The following AGL variants were observed in gnomAD, a reference collection of about 807,000 sequenced individuals.
AGL encodes the protein glycogen debranching enzyme.
A neutral mutation model predicts 199.3 loss-of-function variants in AGL; 128 were observed. The ratio of observed to expected loss-of-function variants is 0.64; its 90% CI spans 0.56 to 0.74. AGL has a LOEUF of 0.74. Ranked by LOEUF, AGL falls within the 30% of genes least tolerant of loss-of-function variation. The pLI is 0.00. For synonymous variants in AGL, 584 were observed against 594.7 expected (o/e 0.98, Z 0.26); for missense variants, 1,809 against 1,820.8 (o/e 0.99, Z 0.12).
intron 4 of AGL, among the ~76,000 whole-genome samples, chr1:99,863,063 C>T (rs1466197043): frequency 1.3e-5 from 2 of 152,008 alleles, no homozygotes; most frequent in African/African-American, 4.8e-5. Context: ...CCTCAGCCTC[C>T]TGAGTAGCTG....
intron 8 of AGL, 37 bp from the exon 9 acceptor site, chr1:99,875,117 A>G (rs1292700697): frequency 1.3e-6 from 2 of 1,553,640 alleles, no homozygotes; most frequent in South Asian, 2.2e-5. Context: ...CTGTAAAGCC[A>G]TTAAATATTA....
At chr1:99,872,109 C>T (rs1651070203) in intron 7 of AGL, among the ~76,000 whole-genome samples, 1 of 152,108 alleles carries the variant, frequency 6.6e-6, no homozygotes, top group South Asian at 2.1e-4. Flanking sequence ...CTCTGTATAG[C>T]AATATGCTAT....
rs1651548172 is a variant in AGL at position 99,876,534 on chromosome 1, T to C, written c.1360T>C (p.Phe454Leu). The C allele has an allele frequency of 1.2e-6, 2 of 1,613,894 alleles. No individual in the cohort carries two copies. The highest frequency in any genetic ancestry group is 3.3e-5 in the Admixed American group (2 of 59,996). The stretch of plus-strand genomic sequence containing the variant: ...GATTCATCTGCCAAATAAAGCTTGT[T>C]TTCTGATGGCACACAATGGATGGGT... ...SMIHLPNKACFLMAHNGWVMG... is the reference protein window; with the variant it reads ...SMIHLPNKACLLMAHNGWVMG... Residue 454 changes from phenylalanine (F) to leucine (L), a missense_variant, in exon 11 of 34, where the codon TTT becomes CTT. Phe to Leu is a conservative substitution (Grantham distance 22). Transcript: ENST00000361915.
chr1:99,850,802 G>T (rs1193268991), intron 1 of AGL, 173 bp from the exon 2 acceptor site: 2 of 517,694 alleles, frequency 3.9e-6, no homozygotes, highest in African/African-American at 3.8e-5. Context: ...GTGCTCAAAG[G>T]CAGGAAACAA....
intron 5 of AGL, among the ~76,000 whole-genome samples, chr1:99,865,558 C>T (rs1357025499): frequency 1.3e-5 from 2 of 152,232 alleles, no homozygotes; most frequent in Non-Finnish European, 2.9e-5. Context: ...GTCAGAGGAG[C>T]TGAGCCTGGC....
At chr1:99,893,141 GT>G (rs1287937741) in intron 24 of AGL, among the ~76,000 whole-genome samples, 1 of 151,984 alleles carries the variant, frequency 6.6e-6, no homozygotes, top group African/African-American at 2.4e-5. Context: ...ACAGGCTTTT[GT>G]TTTCTTTTTA....
At chr1:99,852,981 G>A (rs1649105140) in intron 2 of AGL, among the ~76,000 whole-genome samples, 1 of 151,980 alleles carries the variant, frequency 6.6e-6, no homozygotes, top group African/African-American at 2.4e-5. Flanking sequence ...TGTTTATTTC[G>A]TGGCATCTCC....
intron 24 of AGL, among the ~76,000 whole-genome samples, chr1:99,894,761 A>G (rs570455805): frequency 1.4e-3 from 207 of 152,288 alleles, no homozygotes; most frequent in African/African-American, 4.6e-3. Flanking sequence ...TTTTCGATCT[A>G]CATTTTAATA....
At chr1:99,876,151 A>G (rs1007990504) in intron 10 of AGL, among the ~76,000 whole-genome samples, 1 of 152,250 alleles carries the variant, frequency 6.6e-6, no homozygotes, top group African/African-American at 2.4e-5. Flanking sequence ...CTAGGATTAC[A>G]GGCATGAGCC....
chr1:99,887,910 C>A (rs763923335), intron 20 of AGL, 68 bp from the exon 21 acceptor site: 11 of 1,559,070 alleles, frequency 7.1e-6, no homozygotes, highest in African/African-American at 1.4e-5. Context: ...TTCAGATTTT[C>A]TTCTTTTGTT....
chr1:99,858,794 G>GTT (rs200954389), intron 2 of AGL, among the ~76,000 whole-genome samples: 3 of 151,202 alleles, frequency 2.0e-5, no homozygotes, highest in Non-Finnish European at 4.4e-5. Context: ...GAGCCAAAAG[G>GTT]TTTTTTCTAC....
intron 2 of AGL, among the ~76,000 whole-genome samples, chr1:99,855,806 A>C (rs1305973537): frequency 1.3e-5 from 2 of 152,180 alleles, no homozygotes; most frequent in African/African-American, 4.8e-5. Context: ...GTCTCAAAAA[A>C]AAAAAAGAAT....
chr1:99,861,210 T>G (rs899589875), intron 2 of AGL: 1 of 1,257,968 alleles, frequency 7.9e-7, no homozygotes, highest in Non-Finnish European at 1.0e-6. Flanking sequence ...TAAATGGGGT[T>G]GTATAAGAAT....
chr1:99,872,016 A>G (rs1212572031), intron 7 of AGL, among the ~76,000 whole-genome samples: 1 of 152,076 alleles, frequency 6.6e-6, no homozygotes, highest in African/African-American at 2.4e-5. Flanking sequence ...TTTTTTACAC[A>G]TGCAAATAAG....
intron 26 of AGL, 146 bp from the exon 27 acceptor site, chr1:99,902,537 C>G: frequency 1.5e-6 from 1 of 658,968 alleles, no homozygotes; most frequent in Non-Finnish European, 2.8e-6. Flanking sequence ...TATATAGGAG[C>G]TGCTTCTTCC....
At chr1:99,902,546 C>G (rs569012118) in intron 26 of AGL, 137 bp from the exon 27 acceptor site, 1 of 699,396 alleles carries the variant, frequency 1.4e-6, no homozygotes, top group East Asian at 2.9e-5. Context: ...GCTGCTTCTT[C>G]CCTGGCCTCA....
At chr1:99,886,060 C>T (rs995920758) in intron 20 of AGL, among the ~76,000 whole-genome samples, 4 of 152,250 alleles carry the variant, frequency 2.6e-5, no homozygotes, top group African/African-American at 9.6e-5. Context: ...TCAGCTCTAT[C>T]CAAGAGTTTC....
At chr1:99,857,344 A>C (rs1649590187) in intron 2 of AGL, among the ~76,000 whole-genome samples, 1 of 151,810 alleles carries the variant, frequency 6.6e-6, no homozygotes, top group South Asian at 2.1e-4. Flanking sequence ...AGCCGGGCAG[A>C]GGGGCTCCTC....
intron 5 of AGL, among the ~76,000 whole-genome samples, chr1:99,869,372 A>AT (rs143273646): frequency 0.015 from 2,242 of 151,586 alleles, 59 homozygotes; most frequent in African/African-American, 0.052. Context: ...GACTTACTAA[A>AT]TAAATGACTG....
Sources: gnomAD v4.1 joint callset for allele counts (sites outside exome capture counted in the v4.1 genomes callset) on GRCh38, gnomAD v4.1.1 for gene constraint, MANE v1.5 for transcripts, NCBI Gene and HGNC (gene_info 2026-07-23, HGNC 2026-07-21) for gene names.